FSTL4: variants seen among roughly 807,000 people sequenced by gnomAD.
The protein encoded by FSTL4 is follistatin-related protein 4.
FSTL4 carries 28 observed loss-of-function variants against 78.2 expected under a neutral mutation model. The observed-to-expected ratio is 0.36, with a 90% CI of 0.27 to 0.49. The LOEUF is 0.49. FSTL4 is among the 20% of genes least tolerant of loss of function. FSTL4 has a pLI of 0.98. For synonymous variants in FSTL4, 422 were observed against 440.5 expected (o/e 0.96, Z 0.53); for missense variants, 922 against 1,084.9 (o/e 0.85, Z 2.11).
chr5:133,276,932 A>G (rs1240916463), intron 6 of FSTL4, among the ~76,000 whole-genome samples: 1 of 152,186 alleles, frequency 6.6e-6, no homozygotes, highest in East Asian at 1.9e-4. Context: ...GTTTGAAGCA[A>G]GCAGCCAGGC....
At chr5:133,819,944 T>C in the FSTL4 span, among the ~76,000 whole-genome samples, 2 of 152,124 alleles carry the variant, frequency 1.3e-5, no homozygotes, top group Non-Finnish European at 2.9e-5. Flanking sequence ...TTCAGCTCCA[T>C]TTTTCACATG....
chr5:133,680,640 A>C, the FSTL4 span, among the ~76,000 whole-genome samples: 1 of 152,162 alleles, frequency 6.6e-6, no homozygotes, highest in East Asian at 1.9e-4. Flanking sequence ...CTCAATACAC[A>C]CCTGCCAAAT....
chr5:133,250,362 G>A (rs569577600), intron 6 of FSTL4, among the ~76,000 whole-genome samples: 1 of 152,252 alleles, frequency 6.6e-6, no homozygotes, highest in African/African-American at 2.4e-5. Context: ...CAGGCTTTGG[G>A]GGACAGTCAG....
At chr5:133,729,326 C>A in the FSTL4 span, among the ~76,000 whole-genome samples, 1 of 152,020 alleles carries the variant, frequency 6.6e-6, no homozygotes, top group Non-Finnish European at 1.5e-5. Flanking sequence ...AGGTTTGAAT[C>A]CTGGCTTGAC....
chr5:133,690,251 A>C, the FSTL4 span, among the ~76,000 whole-genome samples: 1 of 152,006 alleles, frequency 6.6e-6, no homozygotes, highest in African/African-American at 2.4e-5. Flanking sequence ...TCAGACATAG[A>C]TCTAGTCCCC....
chr5:133,216,254 A>C (rs1333559413), intron 13 of FSTL4, among the ~76,000 whole-genome samples: 2 of 152,182 alleles, frequency 1.3e-5, no homozygotes, highest in Non-Finnish European at 2.9e-5. Context: ...TGCTGTTGTC[A>C]TCTCTTGCCT....
At chr5:133,474,050 G>A (rs1316786506) in intron 3 of FSTL4, among the ~76,000 whole-genome samples, 1 of 152,160 alleles carries the variant, frequency 6.6e-6, no homozygotes, top group Non-Finnish European at 1.5e-5. Context: ...GGGATGGTAT[G>A]ATCTAACCCA....
chr5:133,350,941 G>T (rs767855209), intron 4 of FSTL4, among the ~76,000 whole-genome samples: 3 of 152,218 alleles, frequency 2.0e-5, no homozygotes, highest in African/African-American at 7.2e-5. Context: ...TATAAGAAAG[G>T]CTGGGAAAGG....
At chr5:133,834,589 T>A in the FSTL4 span, among the ~76,000 whole-genome samples, 1 of 152,056 alleles carries the variant, frequency 6.6e-6, no homozygotes, top group South Asian at 2.1e-4. Context: ...ACACCAAATA[T>A]CAAAAATATC....
chr5:133,581,037 C>G (rs1419857525), intron 2 of FSTL4, among the ~76,000 whole-genome samples: 2 of 152,178 alleles, frequency 1.3e-5, no homozygotes, highest in African/African-American at 4.8e-5. Flanking sequence ...TTTGGGCTCC[C>G]ACAGGCTTTT....
At chr5:133,276,385 C>T (rs1752885024) in intron 6 of FSTL4, among the ~76,000 whole-genome samples, 1 of 152,216 alleles carries the variant, frequency 6.6e-6, no homozygotes, top group Admixed American at 6.5e-5. Flanking sequence ...GTCTGTCCCG[C>T]CCTGGCCTCC....
the FSTL4 span, among the ~76,000 whole-genome samples, chr5:133,814,974 C>T: frequency 1.3e-5 from 2 of 152,142 alleles, no homozygotes; most frequent in Non-Finnish European, 2.9e-5. Context: ...TTCTCAAATC[C>T]AGCTCGCATC....
At position 133,404,181 on chromosome 5, in the gene FSTL4, C is replaced by A. The variant is rs1408496977; in HGVS notation, c.161-3195G>T. On this transcript the variant is annotated intron_variant, in intron 3 of 15. Coordinates refer to ENST00000265342, the MANE Select transcript of FSTL4 (RefSeq NM_015082.2). ...GGCCCCACAGAGGGCTGAGGATACC[C>A]CGGGCGGGGTAAGGCCCAGAATCTG... Among the ~76,000 whole-genome samples the A allele has an allele frequency of 3.9e-5, 6 of 152,198 alleles. No individual in the cohort carries two copies. In the East Asian group the frequency reaches 9.6e-4, roughly 24 times the overall value.
chr5:133,667,626 C>T, the FSTL4 span, among the ~76,000 whole-genome samples: 12 of 152,228 alleles, frequency 7.9e-5, no homozygotes, highest in African/African-American at 2.7e-4. Context: ...GAAGGCTCCT[C>T]TTCGGATATC....
At chr5:133,710,835 G>A in the FSTL4 span, among the ~76,000 whole-genome samples, 1 of 152,236 alleles carries the variant, frequency 6.6e-6, no homozygotes, top group Non-Finnish European at 1.5e-5. Flanking sequence ...CATCATATGA[G>A]AAAAGAGTAA....
At chr5:133,716,739 T>A in the FSTL4 span, among the ~76,000 whole-genome samples, 1 of 152,202 alleles carries the variant, frequency 6.6e-6, no homozygotes, top group Non-Finnish European at 1.5e-5. Context: ...GCCAGGTACA[T>A]TAGGCATCGG....
At chr5:133,417,617 A>G (rs1756601421) in intron 3 of FSTL4, among the ~76,000 whole-genome samples, 1 of 152,154 alleles carries the variant, frequency 6.6e-6, no homozygotes, top group South Asian at 2.1e-4. Flanking sequence ...AAAACATAAG[A>G]AGCAGCCAGA....
the FSTL4 span, among the ~76,000 whole-genome samples, chr5:133,794,301 G>A: frequency 8.4e-4 from 128 of 152,346 alleles, no homozygotes; most frequent in African/African-American, 2.8e-3. Flanking sequence ...ACCCCACCAC[G>A]GTTACAGACA....
the FSTL4 span, among the ~76,000 whole-genome samples, chr5:133,706,849 C>T: frequency 6.6e-5 from 10 of 152,034 alleles, no homozygotes; most frequent in South Asian, 6.3e-4. Context: ...GGAGGAGGAG[C>T]GGTAAGGCAG....
Sources: gnomAD v4.1 joint callset for allele counts (sites outside exome capture counted in the v4.1 genomes callset) on GRCh38, gnomAD v4.1.1 for gene constraint, MANE v1.5 for transcripts, NCBI Gene and HGNC (gene_info 2026-07-23, HGNC 2026-07-21) for gene names.